Variants in GALNTL6 observed in about 807,000 individuals in gnomAD.
GALNTL6 encodes polypeptide N-acetylgalactosaminyltransferase-like 6.
GALNTL6 carries 46 observed loss-of-function variants against 73.7 expected under a neutral mutation model. The ratio of observed to expected loss-of-function variants is 0.62; its 90% CI spans 0.49 to 0.80. GALNTL6 has a LOEUF of 0.80. Ranked by LOEUF, GALNTL6 falls within the 30% of genes least tolerant of loss-of-function variation. The pLI is 0.00. For synonymous variants in GALNTL6, 259 were observed against 263.7 expected (o/e 0.98, Z 0.17); for missense variants, 604 against 755.0 (o/e 0.80, Z 2.34).
intron 5 of GALNTL6, among the ~76,000 whole-genome samples, chr4:172,520,442 A>G (rs1272030693): frequency 6.6e-6 from 1 of 151,898 alleles, no homozygotes; most frequent in African/African-American, 2.4e-5. Context: ...ATTTAAAATC[A>G]TATATACTGT....
At chr4:171,847,769 G>T (rs1384396877) in intron 2 of GALNTL6, among the ~76,000 whole-genome samples, 1 of 152,106 alleles carries the variant, frequency 6.6e-6, no homozygotes, top group African/African-American at 2.4e-5. Context: ...CACCAACTCA[G>T]TCACATCTTC....
In GALNTL6 at chr4:171,878,673, G is replaced by T. The variant is rs937773158; in HGVS notation, c.138+63955G>T. 2.0e-5 allele frequency among the ~76,000 whole-genome samples: 3 copies of T among 151,852 alleles called. No individual in the cohort carries two copies. In the East Asian group the frequency reaches 5.8e-4, roughly 29 times the overall value. ...TTGTTTTTATAATATTGTTGACTTG[G>T]ATACATAAAGAAATGATCGATGGTT... On this transcript the variant is annotated intron_variant, in intron 2 of 12. Transcript: ENST00000506823.
intron 5 of GALNTL6, among the ~76,000 whole-genome samples, chr4:172,663,940 A>AAAAAAAAAG (rs1553969283): frequency 6.8e-6 from 1 of 147,128 alleles, no homozygotes; most frequent in Non-Finnish European, 1.5e-5. Flanking sequence ...AAAAAAAAAA[A>AAAAAAAAAG]AAAGAAAGAA....
intron 5 of GALNTL6, among the ~76,000 whole-genome samples, chr4:172,411,263 T>C (rs1430234694): frequency 6.6e-6 from 1 of 152,004 alleles, no homozygotes; most frequent in African/African-American, 2.4e-5. Context: ...GCTCTTGTTA[T>C]GGAAAATGAT....
chr4:172,446,355 A>G (rs2111411582), intron 5 of GALNTL6, among the ~76,000 whole-genome samples: 1 of 152,266 alleles, frequency 6.6e-6, no homozygotes, highest in East Asian at 1.9e-4. Context: ...ATTTTTAAAA[A>G]TACATTGAGA....
At chr4:172,857,241 G>A (rs1418250564) in intron 7 of GALNTL6, among the ~76,000 whole-genome samples, 1 of 152,120 alleles carries the variant, frequency 6.6e-6, no homozygotes, top group African/African-American at 2.4e-5. Flanking sequence ...CCTGGATTAG[G>A]GCAGTGTGCA....
At chr4:172,277,372 C>T (rs1738871485) in intron 3 of GALNTL6, among the ~76,000 whole-genome samples, 1 of 152,124 alleles carries the variant, frequency 6.6e-6, no homozygotes, top group African/African-American at 2.4e-5. Context: ...TGTCTTAACA[C>T]TGGGTCTGTT....
At position 172,107,138 on chromosome 4, in the gene GALNTL6, G is replaced by T. The variant is rs545105853; in HGVS notation, c.139-122518G>T. ...TCTGCCCGCCTCGGCCTCCCAAAGTGCTGGGATTACAGGCATGAGCCACTG... is the reference window on the plus strand; with the variant it reads ...TCTGCCCGCCTCGGCCTCCCAAAGTTCTGGGATTACAGGCATGAGCCACTG... On this transcript the variant is annotated intron_variant, in intron 2 of 12. Transcript: ENST00000506823. 8.5e-4 allele frequency among the ~76,000 whole-genome samples: 129 copies of T among 152,264 alleles called. 1 individual carries two copies. The Middle Eastern group carries it at 0.017, about 20-fold the overall frequency.
At chr4:171,825,937 G>A (rs913536651) in intron 2 of GALNTL6, among the ~76,000 whole-genome samples, 1 of 152,082 alleles carries the variant, frequency 6.6e-6, no homozygotes, top group African/African-American at 2.4e-5. Context: ...ATTGCTCTTT[G>A]TTGTCATTGG....
rs114278698 is a variant in GALNTL6 at position 172,907,676 on chromosome 4, G to A, written c.1042-23485G>A. ...GTCGGTTGGAACATGTTTCTGTTCC[G>A]GTCCTCCGTCCACAAATGTAATGCC... On this transcript the variant is annotated intron_variant, in intron 8 of 12. Coordinates refer to ENST00000506823, the MANE Select transcript of GALNTL6 (RefSeq NM_001034845.3). Among the ~76,000 whole-genome samples the A allele has an allele frequency of 8.5e-3, 1,298 of 152,236 alleles. 14 individuals carry two copies. Among genetic ancestry groups the A allele is most frequent in the African/African-American group, 0.027 (1,131 of 41,530 alleles).
At chr4:172,270,207 G>A (rs1484366938) in intron 3 of GALNTL6, among the ~76,000 whole-genome samples, 1 of 151,804 alleles carries the variant, frequency 6.6e-6, no homozygotes, top group African/African-American at 2.4e-5. Flanking sequence ...GTGTGTATAT[G>A]TGTGTGTGTT....
chr4:172,401,394 ATACTC>A (rs1289735587), intron 5 of GALNTL6, among the ~76,000 whole-genome samples: 3 of 152,052 alleles, frequency 2.0e-5, no homozygotes, highest in Admixed American at 1.3e-4. Context: ...GCTAAATTCA[ATACTC>A]TACACGACAT....
intron 5 of GALNTL6, among the ~76,000 whole-genome samples, chr4:172,456,945 C>A (rs912792573): frequency 6.6e-6 from 1 of 151,994 alleles, no homozygotes; most frequent in African/African-American, 2.4e-5. Flanking sequence ...TTAAGGGCAG[C>A]CAGAGAGAAA....
chr4:172,492,099 T>C (rs1733916993), intron 5 of GALNTL6, among the ~76,000 whole-genome samples: 2 of 152,184 alleles, frequency 1.3e-5, no homozygotes, highest in African/African-American at 4.8e-5. Context: ...GCATCACAGC[T>C]ATCACCTTAC....
chr4:172,057,884 T>C (rs1205506494), intron 2 of GALNTL6, among the ~76,000 whole-genome samples: 20 of 151,632 alleles, frequency 1.3e-4, no homozygotes, highest in Admixed American at 1.3e-3. Context: ...ATTATGTGGA[T>C]ACACACTTAT....
At chr4:171,950,276 A>C (rs1738833524) in intron 2 of GALNTL6, among the ~76,000 whole-genome samples, 1 of 152,188 alleles carries the variant, frequency 6.6e-6, no homozygotes, top group Non-Finnish European at 1.5e-5. Context: ...TTCACTCAAA[A>C]ATGATAAGGA....
chr4:171,820,181 C>T (rs1734644507), intron 2 of GALNTL6, among the ~76,000 whole-genome samples: 3 of 152,134 alleles, frequency 2.0e-5, no homozygotes, highest in African/African-American at 7.2e-5. Context: ...GAAGGACAAG[C>T]ATTCACAAAA....
chr4:171,911,891 C>T (rs1202320956), intron 2 of GALNTL6, among the ~76,000 whole-genome samples: 5 of 152,116 alleles, frequency 3.3e-5, no homozygotes, highest in South Asian at 2.1e-4. Context: ...TGATGATTGA[C>T]TTAAAACATC....
intron 2 of GALNTL6, among the ~76,000 whole-genome samples, chr4:171,903,342 G>C (rs7667601): frequency 6.6e-6 from 1 of 152,028 alleles, no homozygotes; most frequent in African/African-American, 2.4e-5. Flanking sequence ...AAGCACAAGG[G>C]GTCAGGGAGT....
Sources: gnomAD v4.1 joint callset for allele counts (sites outside exome capture counted in the v4.1 genomes callset) on GRCh38, gnomAD v4.1.1 for gene constraint, MANE v1.5 for transcripts, NCBI Gene and HGNC (gene_info 2026-07-23, HGNC 2026-07-21) for gene names.